The following XPO6 variants were observed in gnomAD, a reference collection of about 807,000 sequenced individuals.
XPO6 encodes exportin-6.
In XPO6, 3 loss-of-function variants were observed where a neutral mutation model predicts 130.0. The observed-to-expected ratio is 0.02, with a 90% confidence interval of 0.01 to 0.06. The LOEUF is 0.06. XPO6 is among the 10% of genes least tolerant of loss of function. The pLI, the probability that XPO6 is intolerant of heterozygous loss-of-function variation, is 1.00. For missense variants in XPO6, 970 were observed against 1,393.0 expected (o/e 0.70, Z 4.83); for synonymous variants, 524 against 548.9 (o/e 0.95, Z 0.63).
intron 14 of XPO6, among the ~76,000 whole-genome samples, chr16:28,121,469 C>T (rs1366151194): frequency 6.6e-6 from 1 of 152,240 alleles, no homozygotes; most frequent in African/African-American, 2.4e-5. Context: ...CCAGCTCTCA[C>T]TTACCTAATT....
chr16:28,137,604 C>T (rs1266219135), intron 9 of XPO6, among the ~76,000 whole-genome samples: 1 of 151,906 alleles, frequency 6.6e-6, no homozygotes, highest in Non-Finnish European at 1.5e-5. Flanking sequence ...ACAAATCCTC[C>T]TGGATTGTCC....
At chr16:28,186,687 T>C (rs1488571557) in intron 1 of XPO6, among the ~76,000 whole-genome samples, 1 of 150,968 alleles carries the variant, frequency 6.6e-6, no homozygotes, top group African/African-American at 2.4e-5. Context: ...TTTTTTTTTT[T>C]AGAGACAGAG....
chr16:28,147,476 C>A (rs1457448633), intron 8 of XPO6, among the ~76,000 whole-genome samples: 1 of 151,834 alleles, frequency 6.6e-6, no homozygotes, highest in Admixed American at 6.6e-5. Context: ...ACTTAAAAAG[C>A]CAGGCAAATT....
chr16:28,149,014 C>G (rs574239668), intron 8 of XPO6, among the ~76,000 whole-genome samples: 1 of 145,256 alleles, frequency 6.9e-6, no homozygotes, highest in East Asian at 2.0e-4. Flanking sequence ...CGCACTCCAG[C>G]GTGGGCGACA....
At chr16:28,110,818 C>T (rs1307564549) in intron 17 of XPO6, among the ~76,000 whole-genome samples, 2 of 152,214 alleles carry the variant, frequency 1.3e-5, no homozygotes, top group East Asian at 1.9e-4. Context: ...GAGACCAACA[C>T]CAGACTTTGA....
At chr16:28,131,217 T>A (rs2042662455) in intron 12 of XPO6, among the ~76,000 whole-genome samples, 1 of 152,222 alleles carries the variant, frequency 6.6e-6, no homozygotes. Context: ...CCAAGGCCCA[T>A]CAGCCTCCTG....
rs889672678 is a variant in XPO6, at chr16:28,101,569, T to C, written c.3165A>G (p.Ser1055=). The change falls in exon 23 of 24, where the codon TCA becomes TCG. Residue 1055 remains serine, a synonymous_variant. Transcript: ENST00000304658. This position sits in a 1 kb window ranked among gnomAD's most constrained non-coding sequence, Gnocchi z 5.4. ...EIGIAIYNMA[S]VDFDGFFAAF... ...CGGCAAAGAAGCCATCAAAGTCGAC[T>C]GAGGCCATGTTGTAGATGGCGATGC... is the stretch of plus-strand genomic sequence containing the variant. The C allele has an allele frequency of 6.2e-7, 1 of 1,614,214 alleles. No homozygotes were observed. Among genetic ancestry groups the C allele is most frequent in the Non-Finnish European group, 8.5e-7 (1 of 1,180,036 alleles).
chr16:28,141,387 A>G (rs572141832), intron 9 of XPO6, among the ~76,000 whole-genome samples: 1 of 152,334 alleles, frequency 6.6e-6, no homozygotes, highest in African/African-American at 2.4e-5. Context: ...GCCGGAAGTG[A>G]GAGAGAAAGG....
intron 15 of XPO6, 141 bp from the exon 16 acceptor site, chr16:28,113,191 C>A: frequency 1.9e-6 from 2 of 1,066,424 alleles, no homozygotes; most frequent in South Asian, 3.5e-5. Context: ...AAGAATTTTT[C>A]CTATGATGAC....
chr16:28,105,829 T>C, intron 20 of XPO6: 1 of 663,628 alleles, frequency 1.5e-6, no homozygotes, highest in Non-Finnish European at 2.4e-6. Context: ...GTGGAATAAC[T>C]GCCATGCTTA....
Position 28,132,193 on chromosome 16 carries a change from C to G in XPO6, c.1606+141G>C. The G allele has an allele frequency of 1.5e-6, 1 of 677,086 alleles. No homozygotes were observed. The highest frequency in any genetic ancestry group is 3.0e-5 in the Admixed American group (1 of 33,148). The allele number at this position is 677,086 out of a possible 1,614,324, so 41.9% of individuals were successfully genotyped here. A position where few individuals can be genotyped will look rare whatever the true frequency, so the allele number is the denominator to read the frequency against. On this transcript the variant is annotated intron_variant, in intron 12 of 23. Transcript: ENST00000304658. The surrounding 1 kb of genome is among the most constrained non-coding windows in gnomAD (Gnocchi z 4.0). ...CATCATAAGCCTTTAAAAACGTTCC[C>G]TGTTTCGAAGTGGGGAGAGATGCCA...
chr16:28,176,949 T>G lies in XPO6; in HGVS notation c.207+271A>C, dbSNP rs2043543659. On this transcript the variant is annotated intron_variant, in intron 3 of 23. Transcript: ENST00000304658. The stretch of plus-strand genomic sequence containing the variant: ...ATGTTTTTATTTAATTATCTTTCCT[T>G]TATCAATGATAACAGGCAGGGAATA... Among the ~76,000 whole-genome samples, 4 of 152,180 alleles carry G rather than the reference T, an allele frequency of 2.6e-5. No individual in the cohort carries two copies. The South Asian group carries it at 8.3e-4, about 31-fold the overall frequency.
In XPO6 at chr16:28,209,688, G is replaced by A. The variant is rs2044094266; in HGVS notation, c.3+1678C>T. Among the ~76,000 whole-genome samples, 5 of 150,732 alleles carry A rather than the reference G, an allele frequency of 3.3e-5. No individual in the cohort carries two copies. The South Asian group carries it at 1.1e-3, about 32-fold the overall frequency. ...TTACTGAAAGAATAAATGAAGGAAG[G>A]AATGAGTGCTACTTTCATTAGCCAC... is the stretch of plus-strand genomic sequence containing the variant. On this transcript the variant is annotated intron_variant, in intron 1 of 23. Coordinates refer to ENST00000304658, the MANE Select transcript of XPO6 (RefSeq NM_015171.4).
intron 13 of XPO6, among the ~76,000 whole-genome samples, chr16:28,124,260 A>G (rs964132657): frequency 2.0e-4 from 31 of 151,972 alleles, no homozygotes; most frequent in Non-Finnish European, 4.1e-4. Flanking sequence ...GTTTCATCAT[A>G]TTGGTTAGGC....
At chr16:28,147,780 C>T (rs551350509) in intron 8 of XPO6, among the ~76,000 whole-genome samples, 1 of 152,294 alleles carries the variant, frequency 6.6e-6, no homozygotes, top group East Asian at 1.9e-4. Flanking sequence ...AACCCTTTCT[C>T]TACTAAAAAT....
chr16:28,107,149 A>G (rs2086802985), intron 18 of XPO6, among the ~76,000 whole-genome samples: 1 of 152,238 alleles, frequency 6.6e-6, no homozygotes, highest in African/African-American at 2.4e-5. Context: ...TAATGCTGTC[A>G]TGAGAGCTAG....
intron 14 of XPO6, 69 bp downstream of exon 14, chr16:28,121,597 CTCAA>C (rs1376509552): frequency 2.2e-5 from 25 of 1,147,460 alleles, no homozygotes; most frequent in Non-Finnish European, 3.0e-5. Context: ...GTTCCTTTTT[CTCAA>C]TCAAATTATT....
At chr16:28,180,221 C>T (rs1386872951) in intron 2 of XPO6, among the ~76,000 whole-genome samples, 2 of 151,910 alleles carry the variant, frequency 1.3e-5, no homozygotes, top group African/African-American at 4.8e-5. Flanking sequence ...AAAAATTAGC[C>T]GGGGGTGGTG....
chr16:28,122,288 A>G (rs1388868315), intron 13 of XPO6, among the ~76,000 whole-genome samples: 2 of 152,130 alleles, frequency 1.3e-5, no homozygotes, highest in Non-Finnish European at 2.9e-5. Flanking sequence ...ATCTACAATT[A>G]ATATATAATG....
Sources: allele counts gnomAD v4.1 joint callset (sites outside exome capture counted in the v4.1 genomes callset), GRCh38; gene constraint gnomAD v4.1.1; non-coding constraint Gnocchi (gnomAD v3.1); transcripts MANE v1.5; gene names NCBI Gene and HGNC (gene_info 2026-07-23, HGNC 2026-07-21).